TSC22D2: variants seen among roughly 807,000 people sequenced by gnomAD.
TSC22D2 encodes the protein TSC22 domain family member 2, also known as TSC22 domain family protein 2.
In TSC22D2, 5 loss-of-function variants were observed where a neutral mutation model predicts 50.1. The observed-to-expected ratio is 0.10, with a 90% CI of 0.05 to 0.21. The LOEUF is 0.21. TSC22D2 is among the 10% of genes least tolerant of loss of function. The pLI is 1.00. For missense variants in TSC22D2, 1,003 were observed against 1,015.5 expected (o/e 0.99, Z 0.17); for synonymous variants, 501 against 450.1 (o/e 1.11, Z -1.43).
intron 1 of TSC22D2, among the ~76,000 whole-genome samples, chr3:150,418,971 A>C (rs1273552632): frequency 6.6e-6 from 1 of 152,024 alleles, no homozygotes; most frequent in Non-Finnish European, 1.5e-5. Context: ...CCTGGCTCTA[A>C]GTTTAAGTAT....
At chr3:150,430,639 C>T (rs1720346727) in intron 1 of TSC22D2, among the ~76,000 whole-genome samples, 1 of 152,164 alleles carries the variant, frequency 6.6e-6, no homozygotes, top group South Asian at 2.1e-4. Context: ...ATTTGGGGTG[C>T]AGCTGAGGCT....
chr3:150,416,346 C>T (rs2108063482), intron 1 of TSC22D2, among the ~76,000 whole-genome samples: 1 of 148,104 alleles, frequency 6.8e-6, no homozygotes, highest in African/African-American at 2.5e-5. Context: ...TTAAACATAG[C>T]CTGAATGATA....
chr3:150,446,862 A>G (rs1184071151), intron 1 of TSC22D2, among the ~76,000 whole-genome samples: 2 of 152,242 alleles, frequency 1.3e-5, no homozygotes, highest in Non-Finnish European at 2.9e-5. Flanking sequence ...CTTTGGAGCA[A>G]ATTCTAGTCA....
In TSC22D2 at chr3:150,461,838, C is replaced by A. The variant is rs1721423625; in HGVS notation, c.*3202C>A. ...CTCCAAGTTGCAAACTCCAGTAATT[C>A]ATGGACCTTTTTTTAAAAAAAAAAA... On this transcript the variant is annotated 3_prime_UTR_variant, in exon 3 of 3. Coordinates refer to ENST00000688009, the MANE Select transcript of TSC22D2 (RefSeq NM_001303264.2). 2 of 131,598 alleles carry A rather than the reference C, an allele frequency of 1.5e-5. No homozygotes were observed. Among genetic ancestry groups the A allele is most frequent in the Admixed American group, 7.7e-5 (1 of 12,904 alleles). 8.2% of individuals were successfully genotyped at this position (131,598 alleles called of 1,614,324 possible).
At position 150,410,501 on chromosome 3, in the gene TSC22D2, A is replaced by C. The variant is rs1267405933; in HGVS notation, c.1151A>C (p.His384Pro). The C allele has an allele frequency of 8.1e-6, 13 of 1,599,244 alleles. No homozygotes were observed. The highest frequency in any genetic ancestry group is 1.1e-5 in the Non-Finnish European group (13 of 1,174,506). The part of the protein sequence containing the change: ...PSGQSEYLQQ[H>P]VAGLQPPSPA... ...GGCCAGAGTGAGTACCTGCAGCAGC[A>C]CGTGGCCGGCCTGCAGCCGCCAAGC... Residue 384 changes from histidine to proline, a missense_variant, in exon 1 of 3, where the codon CAC becomes CCC. Physicochemically the swap from His to Pro is moderately conservative, Grantham distance 77 (BLOSUM62 -2). Transcript: ENST00000688009.
chr3:150,411,464 A>G (rs1412126882), intron 1 of TSC22D2, among the ~76,000 whole-genome samples, 156 bp downstream of exon 1: 2 of 152,204 alleles, frequency 1.3e-5, no homozygotes, highest in East Asian at 3.8e-4. Context: ...GCTGATGCTG[A>G]TGTCAAAGGG....
chr3:150,419,364 C>A (rs1719931220), intron 1 of TSC22D2, among the ~76,000 whole-genome samples: 1 of 152,066 alleles, frequency 6.6e-6, no homozygotes, highest in Admixed American at 6.6e-5. Flanking sequence ...GAAGGAAGAA[C>A]TACCATAGCC....
intron 1 of TSC22D2, among the ~76,000 whole-genome samples, chr3:150,411,865 A>G (rs1719585542): frequency 1.3e-5 from 2 of 152,224 alleles, no homozygotes; most frequent in African/African-American, 4.8e-5. Context: ...TTTTGATTAA[A>G]GGAGGTACAA....
At chr3:150,432,885 A>G (rs1161939463) in intron 1 of TSC22D2, among the ~76,000 whole-genome samples, 3 of 152,184 alleles carry the variant, frequency 2.0e-5, no homozygotes, top group Non-Finnish European at 4.4e-5. Flanking sequence ...GACTGACTCT[A>G]TTCTAGCCTG....
chr3:150,425,277 C>T (rs113100219), intron 1 of TSC22D2, among the ~76,000 whole-genome samples: 8,297 of 152,204 alleles, frequency 0.055, 276 homozygotes, highest in East Asian at 0.089. Context: ...GTAATCCCAG[C>T]ACTTTGGGAG....
Position 150,410,305 on chromosome 3 carries a change from C to A in TSC22D2, c.955C>A (p.Pro319Thr). The A allele has an allele frequency of 6.4e-7, 1 of 1,567,616 alleles. No homozygotes were observed. Among genetic ancestry groups the A allele is most frequent in the South Asian group, 1.2e-5 (1 of 85,358 alleles). Residue 319 changes from proline to threonine, a missense_variant, in exon 1 of 3, where the codon CCC becomes ACC. Coordinates refer to ENST00000688009, the MANE Select transcript of TSC22D2 (RefSeq NM_001303264.2). ...AQPSQPQGAG[P>T]GGQTLPPTNV... is the part of the protein sequence containing the mutation. ...GCCCAGCCAGCCCCAGGGAGCGGGG[C>A]CCGGGGGACAGACTCTGCCGCCGAC...
chr3:150,428,075 A>G lies in TSC22D2; in HGVS notation c.1958+16767A>G, dbSNP rs138007981. On this transcript the variant is annotated intron_variant, in intron 1 of 2. Transcript: ENST00000688009. ...CTTTTTCTGTTCCAGGATCCAATTC[A>G]GGATTCCACATTGTGTTTAGTCATT... is the stretch of plus-strand genomic sequence containing the variant. Among the ~76,000 whole-genome samples the G allele has an allele frequency of 4.8e-3, 736 of 152,192 alleles. 6 individuals are homozygous for G. Among genetic ancestry groups the G allele is most frequent in the African/African-American group, 0.017 (690 of 41,538 alleles).
At chr3:150,417,404 C>T (rs1450339) in intron 1 of TSC22D2, among the ~76,000 whole-genome samples, 15 of 152,048 alleles carry the variant, frequency 9.9e-5, no homozygotes, top group South Asian at 6.2e-4. Flanking sequence ...CTTGGCATAC[C>T]GTCTACCTAG....
chr3:150,459,734 T>A lies in TSC22D2; in HGVS notation c.*1098T>A, dbSNP rs564280529. The A allele has an allele frequency of 1.3e-5, 2 of 151,988 alleles. No homozygotes were observed. 9.4% of individuals were successfully genotyped at this position (151,988 alleles called of 1,614,324 possible). On this transcript the variant is annotated 3_prime_UTR_variant, in exon 3 of 3. Coordinates refer to ENST00000688009, the MANE Select transcript of TSC22D2 (RefSeq NM_001303264.2). ...CTCATGTTTTTATCCAGCACTCTTA[T>A]TGTAATATGTACTAGTCTGTGAACA...
intron 1 of TSC22D2, among the ~76,000 whole-genome samples, chr3:150,450,101 G>A (rs1720997691): frequency 6.6e-6 from 1 of 152,004 alleles, no homozygotes; most frequent in South Asian, 2.1e-4. Flanking sequence ...AGACAAAGGG[G>A]GTCTAAGGTA....
chr3:150,456,518 C>T (rs1410728509), intron 1 of TSC22D2, among the ~76,000 whole-genome samples: 1 of 151,824 alleles, frequency 6.6e-6, no homozygotes, highest in Non-Finnish European at 1.5e-5. Context: ...ACCAATCCTA[C>T]CCAAAGACTT....
At chr3:150,438,249 G>A (rs576617660) in intron 1 of TSC22D2, 4 of 421,330 alleles carry the variant, frequency 9.5e-6, no homozygotes, top group South Asian at 3.4e-5. Context: ...AATAATGATC[G>A]AAAGCCGAAA....
At chr3:150,426,427 C>A (rs1474297269) in intron 1 of TSC22D2, among the ~76,000 whole-genome samples, 1 of 152,252 alleles carries the variant, frequency 6.6e-6, no homozygotes, top group Non-Finnish European at 1.5e-5. Flanking sequence ...CACTGGGGAG[C>A]GGCAAGCAGG....
intron 1 of TSC22D2, among the ~76,000 whole-genome samples, chr3:150,439,065 T>C (rs1046171816): frequency 2.0e-5 from 3 of 152,158 alleles, no homozygotes; most frequent in African/African-American, 4.8e-5. Context: ...TAAGACCTTA[T>C]ATCTTTTAAT....
Sources: allele counts gnomAD v4.1 joint callset (sites outside exome capture counted in the v4.1 genomes callset), GRCh38; gene constraint gnomAD v4.1.1; transcripts MANE v1.5; gene names NCBI Gene and HGNC (gene_info 2026-07-23, HGNC 2026-07-21).